Variants in FOXP1 observed in about 807,000 individuals in gnomAD.
The protein encoded by FOXP1 is forkhead box protein P1.
A neutral mutation model predicts 98.2 loss-of-function variants in FOXP1; 15 were observed. That is an observed-to-expected ratio of 0.15 (90% confidence interval 0.10 to 0.24). The LOEUF (loss-of-function observed/expected upper bound fraction) is 0.24, where lower values mean the gene tolerates loss of function less well. Among genes scored for constraint, FOXP1 ranks in the 10% least tolerant of loss-of-function variants. The probability of loss-of-function intolerance (pLI) is 1.00; values close to 1 mark genes in which losing one functional copy is unlikely to be tolerated. For synonymous variants in FOXP1, 371 were observed against 314.5 expected, an observed-to-expected ratio of 1.18 and a Z score of -1.90; for missense variants, 633 against 848.5, an observed-to-expected ratio of 0.75 and a Z score of 3.15.
At chr3:71,111,918 C>T (rs1193529176) in intron 7 of FOXP1, among the ~76,000 whole-genome samples, 2 of 152,156 alleles carry the variant, frequency 1.3e-5, no homozygotes, top group Admixed American at 6.5e-5. Context: ...AAAAGTACCA[C>T]ATCCTCCTCA....
chr3:71,228,094 C>T (rs1380890583), intron 5 of FOXP1, among the ~76,000 whole-genome samples: 1 of 151,994 alleles, frequency 6.6e-6, no homozygotes, highest in African/African-American at 2.4e-5. Context: ...TTTGAATTGA[C>T]ACATTATTCT....
intron 12 of FOXP1, among the ~76,000 whole-genome samples, chr3:71,014,741 C>G (rs1213883262): frequency 6.6e-6 from 1 of 152,106 alleles, no homozygotes; most frequent in East Asian, 1.9e-4. Context: ...GGAACCAACC[C>G]AAATGTCCAT....
chr3:71,043,513 G>C (rs1372363825), intron 10 of FOXP1, among the ~76,000 whole-genome samples: 1 of 152,150 alleles, frequency 6.6e-6, no homozygotes, highest in Non-Finnish European at 1.5e-5. Flanking sequence ...AATTACCTGT[G>C]AACATGGGTG....
At chr3:71,213,583 C>T (rs561319632) in intron 5 of FOXP1, among the ~76,000 whole-genome samples, 8 of 152,188 alleles carry the variant, frequency 5.3e-5, no homozygotes, top group Admixed American at 1.3e-4. Flanking sequence ...TTTGAGAGGC[C>T]GAGGCAGGCG....
intron 3 of FOXP1, among the ~76,000 whole-genome samples, chr3:71,474,814 A>G (rs960301773): frequency 1.3e-5 from 2 of 152,102 alleles, no homozygotes; most frequent in Non-Finnish European, 2.9e-5. Flanking sequence ...ACAAGGTAAT[A>G]ATAATGAAAA....
At chr3:71,310,615 C>T (rs2074613643) in intron 4 of FOXP1, among the ~76,000 whole-genome samples, 1 of 152,218 alleles carries the variant, frequency 6.6e-6, no homozygotes, top group Admixed American at 6.5e-5. Flanking sequence ...TTCCTGCCTC[C>T]CTCTCCATGT....
intron 5 of FOXP1, among the ~76,000 whole-genome samples, chr3:71,265,176 G>T (rs2069516706): frequency 6.6e-6 from 1 of 152,154 alleles, no homozygotes; most frequent in Non-Finnish European, 1.5e-5. Flanking sequence ...TCTCTCTCAA[G>T]AAATTTCTGG....
In FOXP1 at chr3:70,955,828, G is replaced by GCA. The variant is rs2031633034; in HGVS notation, c.*3418_*3419insTG. 9.6e-6 allele frequency: 2 copies of GCA among 207,440 alleles called. No homozygotes were observed. Among genetic ancestry groups the GCA allele is most frequent in the African/African-American group, 7.1e-5 (2 of 28,328 alleles). The allele number at this position is 207,440 out of a possible 1,614,324, so 12.8% of individuals were successfully genotyped here. A position where few individuals can be genotyped will look rare whatever the true frequency, so the allele number is the denominator to read the frequency against. On this transcript the variant is annotated 3_prime_UTR_variant, in exon 21 of 21. Coordinates refer to ENST00000649528, the MANE Select transcript of FOXP1 (RefSeq NM_001349338.3). ...AAAAAACAGATTAACACACACGCAC[G>GCA]CGCGCACACACACACACACACACAC...
intron 4 of FOXP1, among the ~76,000 whole-genome samples, chr3:71,349,042 A>T (rs1255366101): frequency 6.6e-6 from 1 of 152,202 alleles, no homozygotes; most frequent in Non-Finnish European, 1.5e-5. Context: ...CACTTCTATA[A>T]GTAACTCCAA....
chr3:71,433,852 T>C (rs934233910), intron 3 of FOXP1, among the ~76,000 whole-genome samples: 3 of 152,338 alleles, frequency 2.0e-5, no homozygotes, highest in East Asian at 1.9e-4. Flanking sequence ...CTTACCTGCA[T>C]TGTCTGCCAT....
chr3:71,313,245 G>C (rs2074831070), intron 4 of FOXP1, among the ~76,000 whole-genome samples: 1 of 151,522 alleles, frequency 6.6e-6, no homozygotes, highest in Non-Finnish European at 1.5e-5. Flanking sequence ...ATTTTTAGTA[G>C]AGACGGGGTT....
At chr3:71,218,484 T>C (rs1481479336) in intron 5 of FOXP1, among the ~76,000 whole-genome samples, 3 of 152,202 alleles carry the variant, frequency 2.0e-5, no homozygotes, top group Non-Finnish European at 2.9e-5. Flanking sequence ...TTCTTTTTAA[T>C]GAGCATCCCC....
intron 5 of FOXP1, among the ~76,000 whole-genome samples, chr3:71,252,932 A>G (rs908028295): frequency 6.6e-6 from 1 of 152,162 alleles, no homozygotes; most frequent in African/African-American, 2.4e-5. Flanking sequence ...ACAGAAACCA[A>G]AGGAAGGATT....
chr3:71,054,071 G>A (rs2050283506), intron 7 of FOXP1, among the ~76,000 whole-genome samples: 2 of 152,226 alleles, frequency 1.3e-5, no homozygotes, highest in African/African-American at 4.8e-5. Context: ...GTTCTCAATT[G>A]CTTATTGAGA....
Position 71,007,035 on chromosome 3 carries a change from T to G in FOXP1, c.975-5976A>C, listed in dbSNP as rs558114864. ...AGGGCACTGTGGTATTTAGGCCACT[T>G]TGACCTCTTCGAGTACTAAGAAAGG... On this transcript the variant is annotated intron_variant, in intron 12 of 20. Coordinates refer to ENST00000649528, the MANE Select transcript of FOXP1 (RefSeq NM_001349338.3). Among the ~76,000 whole-genome samples the G allele has an allele frequency of 5.3e-5, 8 of 152,244 alleles. No homozygotes were observed. In the South Asian group the frequency reaches 1.7e-3, roughly 32 times the overall value.
chr3:71,481,426 GT>G (rs1288678578), intron 3 of FOXP1, among the ~76,000 whole-genome samples: 1 of 152,030 alleles, frequency 6.6e-6, no homozygotes, highest in Admixed American at 6.5e-5. Context: ...CATATCAAAG[GT>G]TCTACATCTT....
chr3:71,213,920 C>T (rs1450392083), intron 5 of FOXP1, among the ~76,000 whole-genome samples: 1 of 152,188 alleles, frequency 6.6e-6, no homozygotes, highest in African/African-American at 2.4e-5. Context: ...ATGAAGGGTG[C>T]AGTGGGTTCC....
chr3:71,038,387 T>C (rs985635828), intron 11 of FOXP1, among the ~76,000 whole-genome samples: 1 of 152,128 alleles, frequency 6.6e-6, no homozygotes, highest in African/African-American at 2.4e-5. Flanking sequence ...GGGAAAAGAA[T>C]ATTACACAGA....
chr3:70,988,214 T>C, intron 13 of FOXP1, 137 bp from the exon 14 acceptor site: 1 of 862,970 alleles, frequency 1.2e-6, no homozygotes, highest in South Asian at 1.4e-5. Context: ...GTTTTTGAAA[T>C]CTACATGACC....
Sources: allele counts gnomAD v4.1 joint callset (sites outside exome capture counted in the v4.1 genomes callset), GRCh38; gene constraint gnomAD v4.1.1; transcripts MANE v1.5; gene names NCBI Gene and HGNC (gene_info 2026-07-23, HGNC 2026-07-21).